Variants in ATAD2B observed in about 807,000 individuals in gnomAD.
The protein encoded by ATAD2B is ATPase family AAA domain-containing protein 2B.
ATAD2B carries 40 observed loss-of-function variants against 167.6 expected under a neutral mutation model. The ratio of observed to expected loss-of-function variants is 0.24; its 90% CI spans 0.19 to 0.31. The LOEUF (loss-of-function observed/expected upper bound fraction) is 0.31, where lower values mean the gene tolerates loss of function less well. Ranked by LOEUF, ATAD2B falls within the 10% of genes least tolerant of loss-of-function variation. The pLI is 1.00. For missense variants in ATAD2B, 1,242 were observed against 1,757.2 expected, an observed-to-expected ratio of 0.71 and a Z score of 5.24; for synonymous variants, 579 against 596.5, an observed-to-expected ratio of 0.97 and a Z score of 0.43.
chr2:23,810,586 A>C, intron 17 of ATAD2B, 84 bp from the exon 18 acceptor site: 2 of 1,092,026 alleles, frequency 1.8e-6, no homozygotes, highest in Non-Finnish European at 2.6e-6. Context: ...TTTTACATTA[A>C]AACAATTTAA....
intron 17 of ATAD2B, among the ~76,000 whole-genome samples, chr2:23,812,111 GAACTAATAGAA>G (rs1280435035): frequency 6.6e-6 from 1 of 151,850 alleles, no homozygotes; most frequent in Non-Finnish European, 1.5e-5. Context: ...ATTTAAAATG[GAACTAATAGAA>G]AGCAAAAAGG....
chr2:23,811,737 A>T lies in ATAD2B; in HGVS notation c.2268-1235T>A, dbSNP rs540767506. ...ATTCTGCATATGTATCCCAAAACTT[A>T]AAGTATAATAAAAATAAATAAATAA... On this transcript the variant is annotated intron_variant, in intron 17 of 27. Coordinates refer to ENST00000238789, the MANE Select transcript of ATAD2B (RefSeq NM_017552.4). 9.8e-5 allele frequency among the ~76,000 whole-genome samples: 15 copies of T among 152,318 alleles called. 1 individual carries two copies. In the South Asian group the frequency reaches 3.1e-3, roughly 32 times the overall value.
At chr2:23,856,615 C>T (rs954885293) in intron 13 of ATAD2B, among the ~76,000 whole-genome samples, 2 of 152,162 alleles carry the variant, frequency 1.3e-5, no homozygotes, top group South Asian at 4.1e-4. Context: ...AATCCCAGCA[C>T]TTTGGGAGGC....
At chr2:23,803,021 T>C (rs759447897) in intron 18 of ATAD2B, among the ~76,000 whole-genome samples, 1 of 152,152 alleles carries the variant, frequency 6.6e-6, no homozygotes, top group Non-Finnish European at 1.5e-5. Flanking sequence ...ATTAAAAAGA[T>C]AAAATATAGC....
the ATAD2B span, among the ~76,000 whole-genome samples, chr2:23,700,623 C>T: frequency 6.6e-6 from 1 of 152,226 alleles, no homozygotes; most frequent in Admixed American, 6.5e-5. The surrounding 1 kb of genome is among the most constrained non-coding windows in gnomAD (Gnocchi z 4.6). Flanking sequence ...CATTCATCAG[C>T]ATTCCATTGA....
chr2:23,882,130 C>T (rs899372442), intron 6 of ATAD2B, among the ~76,000 whole-genome samples: 12 of 152,128 alleles, frequency 7.9e-5, no homozygotes, highest in African/African-American at 2.4e-4. Flanking sequence ...GAGGCTAAGG[C>T]GGGAGGATGG....
the ATAD2B span, among the ~76,000 whole-genome samples, chr2:23,719,195 ACTGT>A: frequency 6.6e-6 from 1 of 152,176 alleles, no homozygotes; most frequent in African/African-American, 2.4e-5. Flanking sequence ...AGCCGAGTTG[ACTGT>A]CTGCTAAAAC....
intron 25 of ATAD2B, 141 bp downstream of exon 25, chr2:23,757,277 G>A (rs1572633548): frequency 3.1e-6 from 2 of 642,144 alleles, no homozygotes; most frequent in East Asian, 3.2e-5. Context: ...TGCTTTTCTA[G>A]AGAATAGGAT....
At chr2:23,712,558 G>A in the ATAD2B span, among the ~76,000 whole-genome samples, 1 of 152,130 alleles carries the variant, frequency 6.6e-6, no homozygotes, top group Admixed American at 6.5e-5. Flanking sequence ...GCAGAGGAGA[G>A]GGGAGAACAG....
intron 17 of ATAD2B, among the ~76,000 whole-genome samples, chr2:23,817,736 A>T (rs1686671436): frequency 6.6e-6 from 1 of 152,238 alleles, no homozygotes; most frequent in Admixed American, 6.5e-5. Flanking sequence ...CATCTAAAAA[A>T]TGCTTATTCT....
chr2:23,812,308 CAAA>C (rs61415389), intron 17 of ATAD2B, among the ~76,000 whole-genome samples: 1 of 140,820 alleles, frequency 7.1e-6, no homozygotes, highest in Non-Finnish European at 1.5e-5. Flanking sequence ...CTATTCACTG[CAAA>C]AAAAAAAAAA....
the ATAD2B span, among the ~76,000 whole-genome samples, chr2:23,742,997 C>T: frequency 3.3e-5 from 5 of 151,906 alleles, no homozygotes; most frequent in Non-Finnish European, 5.9e-5. Flanking sequence ...CTGAAAATTA[C>T]GAAAGCCTTA....
chr2:23,733,273 C>T, the ATAD2B span, among the ~76,000 whole-genome samples: 2 of 152,200 alleles, frequency 1.3e-5, no homozygotes, highest in African/African-American at 4.8e-5. Context: ...TAGTACCTAT[C>T]TTACTGACCT....
At chr2:23,728,572 T>C in the ATAD2B span, among the ~76,000 whole-genome samples, 9 of 152,286 alleles carry the variant, frequency 5.9e-5, no homozygotes, top group African/African-American at 1.9e-4. Flanking sequence ...AAGAATAACA[T>C]AATCAGAGTA....
intron 15 of ATAD2B, chr2:23,827,722 G>GT (rs541123033): frequency 8.8e-4 from 135 of 152,794 alleles, no homozygotes; most frequent in African/African-American, 3.1e-3. Flanking sequence ...CATGAAATGT[G>GT]TTTGGCGCAT....
chr2:23,884,215 G>A (rs1254048195), intron 6 of ATAD2B, among the ~76,000 whole-genome samples: 1 of 152,060 alleles, frequency 6.6e-6, no homozygotes, highest in Non-Finnish European at 1.5e-5. Context: ...TAATTCATGG[G>A]GCCAATGTGC....
At chr2:23,799,285 G>C (rs1438229699) in intron 18 of ATAD2B, among the ~76,000 whole-genome samples, 3 of 152,062 alleles carry the variant, frequency 2.0e-5, no homozygotes, top group Non-Finnish European at 4.4e-5. Flanking sequence ...ATAGAAATAA[G>C]AATTTAGCTG....
intron 13 of ATAD2B, among the ~76,000 whole-genome samples, chr2:23,841,345 A>C (rs1690877871): frequency 6.6e-6 from 1 of 152,178 alleles, no homozygotes; most frequent in African/African-American, 2.4e-5. Flanking sequence ...TCTAAAATTA[A>C]TGTAGCAATA....
intron 13 of ATAD2B, among the ~76,000 whole-genome samples, chr2:23,841,818 A>C (rs2149812236): frequency 6.6e-6 from 1 of 152,334 alleles, no homozygotes; most frequent in East Asian, 1.9e-4. Flanking sequence ...ACTCATCCAG[A>C]AATTCATTCC....
Sources: gnomAD v4.1 joint callset for allele counts (sites outside exome capture counted in the v4.1 genomes callset) on GRCh38, gnomAD v4.1.1 for gene constraint, Gnocchi (gnomAD v3.1) non-coding constraint, MANE v1.5 for transcripts, NCBI Gene and HGNC (gene_info 2026-07-23, HGNC 2026-07-21) for gene names.